PSD3: variants seen among roughly 807,000 people sequenced by gnomAD.
The protein encoded by PSD3 is pleckstrin and Sec7 domain containing 3.
In PSD3, 49 loss-of-function variants were observed where a neutral mutation model predicts 105.5. That is an observed-to-expected ratio of 0.46 (90% CI 0.37 to 0.59). The LOEUF is 0.59. Among genes scored for constraint, PSD3 ranks in the 20% least tolerant of loss-of-function variants. PSD3 has a pLI of 0.00. For synonymous variants in PSD3, 557 were observed against 457.8 expected, an observed-to-expected ratio of 1.22 and a Z score of -2.77; for missense variants, 1,561 against 1,263.8, an observed-to-expected ratio of 1.24 and a Z score of -3.57.
At chr8:18,547,908 T>G (rs1332146993) in intron 15 of PSD3, among the ~76,000 whole-genome samples, 1 of 152,224 alleles carries the variant, frequency 6.6e-6, no homozygotes, top group Non-Finnish European at 1.5e-5. Context: ...GTTCCCTCTC[T>G]TGCCCTTATT....
In PSD3 at chr8:18,572,653, C is replaced by G; in HGVS notation, c.2659G>C (p.Gly887Arg). 6.2e-7 allele frequency: 1 copy of G among 1,613,956 alleles called. No homozygotes were observed. Among genetic ancestry groups the G allele is most frequent in the Non-Finnish European group, 8.5e-7 (1 of 1,179,894 alleles). The part of the protein sequence containing the change: ...FQTQSPEEMQ[G>R]WINKINCVAA... The stretch of plus-strand genomic sequence containing the variant: ...ACACAATTGATTTTGTTTATCCACC[C>G]TTGCATTTCCTCTGGGCTCCTATGA... Residue 887 changes from glycine (G) to arginine (R), a missense_variant, in exon 14 of 16, where the codon GGG (glycine) becomes CGG (arginine). Transcript: ENST00000327040.
chr8:18,710,961 G>A (rs1259961728), intron 9 of PSD3, among the ~76,000 whole-genome samples: 1 of 152,012 alleles, frequency 6.6e-6, no homozygotes. Flanking sequence ...GGGATTACAG[G>A]CATGAGCCAC....
intron 11 of PSD3, among the ~76,000 whole-genome samples, chr8:18,621,000 C>G (rs766825999): frequency 6.6e-6 from 1 of 152,186 alleles, no homozygotes; most frequent in Non-Finnish European, 1.5e-5. Context: ...CTAAAAATCA[C>G]ATGCACAGTG....
At chr8:19,068,504 T>C (rs1829150398) in intron 1 of PSD3, among the ~76,000 whole-genome samples, 2 of 152,160 alleles carry the variant, frequency 1.3e-5, no homozygotes, top group African/African-American at 2.4e-5. Flanking sequence ...TTGTCTAAGC[T>C]GGTCTTGAAG....
rs537503892 is a variant in PSD3 at position 18,548,026 on chromosome 8, G to C, written c.2928+8183C>G. Among the ~76,000 whole-genome samples, 6 of 152,006 alleles carry C rather than the reference G, an allele frequency of 3.9e-5. No individual in the cohort carries two copies. The South Asian group carries it at 1.2e-3, about 32-fold the overall frequency. Reference sequence around the variant, plus strand: ...TTTCCTTTTTTCCCCCATCTGATTAGGTATTTTTAACTGACATGTTTTCAA... The same window carrying C: ...TTTCCTTTTTTCCCCCATCTGATTACGTATTTTTAACTGACATGTTTTCAA... On this transcript the variant is annotated intron_variant, in intron 15 of 15. Coordinates refer to ENST00000327040, the MANE Select transcript of PSD3 (RefSeq NM_015310.4).
intron 11 of PSD3, among the ~76,000 whole-genome samples, chr8:18,621,254 A>G (rs1806089640): frequency 6.6e-6 from 1 of 152,138 alleles, no homozygotes; most frequent in Admixed American, 6.5e-5. Context: ...CTAAAAACAC[A>G]AAAATTAGCC....
intron 9 of PSD3, among the ~76,000 whole-genome samples, chr8:18,717,556 G>T (rs1802679682): frequency 1.3e-5 from 2 of 151,892 alleles, no homozygotes; most frequent in African/African-American, 4.8e-5. Context: ...AAGCAAAATT[G>T]CAGAAAGGGA....
At chr8:18,759,604 A>C (rs1806344138) in intron 9 of PSD3, among the ~76,000 whole-genome samples, 1 of 152,200 alleles carries the variant, frequency 6.6e-6, no homozygotes, top group Admixed American at 6.5e-5. Flanking sequence ...AATGACTGGA[A>C]TAAAAATACT....
intron 1 of PSD3, among the ~76,000 whole-genome samples, chr8:18,942,968 C>T (rs996883662): frequency 7.2e-5 from 11 of 152,018 alleles, no homozygotes; most frequent in African/African-American, 2.4e-4. Flanking sequence ...TTGCACCAGC[C>T]CACACAGGAG....
chr8:18,945,931 G>A (rs1309630233), intron 1 of PSD3, among the ~76,000 whole-genome samples: 4 of 152,138 alleles, frequency 2.6e-5, no homozygotes, highest in Non-Finnish European at 5.9e-5. Flanking sequence ...CCGAGATCGC[G>A]CCATGCACTC....
At chr8:18,934,719 GC>G (rs1821994860) in intron 2 of PSD3, among the ~76,000 whole-genome samples, 1 of 152,140 alleles carries the variant, frequency 6.6e-6, no homozygotes, top group South Asian at 2.1e-4. Context: ...AAGTTGGATA[GC>G]TTTGCAAGGT....
intron 15 of PSD3, among the ~76,000 whole-genome samples, chr8:18,552,558 T>A (rs1005091874): frequency 6.6e-6 from 1 of 152,192 alleles, no homozygotes; most frequent in African/African-American, 2.4e-5. Context: ...AACTTTTACA[T>A]TGACACAAAA....
intron 9 of PSD3, among the ~76,000 whole-genome samples, chr8:18,708,448 A>T (rs559637379): frequency 1.5e-3 from 226 of 150,472 alleles, no homozygotes; most frequent in African/African-American, 5.0e-3. Flanking sequence ...AAATTAGAAA[A>T]TTTTTTTTTT....
At chr8:18,571,467 C>T (rs1236175228) in intron 14 of PSD3, among the ~76,000 whole-genome samples, 1 of 152,142 alleles carries the variant, frequency 6.6e-6, no homozygotes, top group Non-Finnish European at 1.5e-5. Context: ...CCTCCAAGGC[C>T]AGGCTAGATA....
intron 2 of PSD3, among the ~76,000 whole-genome samples, chr8:18,920,258 A>G (rs923234160): frequency 5.3e-5 from 8 of 152,330 alleles, no homozygotes; most frequent in Non-Finnish European, 1.2e-4. Flanking sequence ...ATTATCCTAC[A>G]GTGAAATCCA....
At chr8:18,818,939 G>A (rs1812456697) in intron 4 of PSD3, among the ~76,000 whole-genome samples, 1 of 152,070 alleles carries the variant, frequency 6.6e-6, no homozygotes, top group Admixed American at 6.5e-5. Context: ...AGGTAAACAA[G>A]CAGAATTCAG....
At chr8:19,019,344 A>G (rs1827286733) in intron 1 of PSD3, among the ~76,000 whole-genome samples, 1 of 152,160 alleles carries the variant, frequency 6.6e-6, no homozygotes, top group South Asian at 2.1e-4. Context: ...TTCCATTGTG[A>G]TCTATGGCTC....
At chr8:18,784,650 G>A (rs759606274) in intron 8 of PSD3, among the ~76,000 whole-genome samples, 1 of 152,128 alleles carries the variant, frequency 6.6e-6, no homozygotes, top group Non-Finnish European at 1.5e-5. Context: ...AGAACTCAGG[G>A]AAACATTTAT....
At chr8:19,042,448 G>C (rs970021344) in intron 1 of PSD3, among the ~76,000 whole-genome samples, 8 of 152,154 alleles carry the variant, frequency 5.3e-5, no homozygotes, top group African/African-American at 1.4e-4. Flanking sequence ...AGAAAGTAAA[G>C]AAAATGATAT....
Sources: allele counts gnomAD v4.1 joint callset (sites outside exome capture counted in the v4.1 genomes callset), GRCh38; gene constraint gnomAD v4.1.1; transcripts MANE v1.5; gene names NCBI Gene and HGNC (gene_info 2026-07-23, HGNC 2026-07-21).